The following SLC38A1 variants were observed in gnomAD, a reference collection of about 807,000 sequenced individuals.
SLC38A1 encodes sodium-coupled neutral amino acid symporter 1.
Under a neutral mutation model 60.3 loss-of-function variants are expected in SLC38A1, and 18 were observed. The observed-to-expected ratio is 0.30, with a 90% confidence interval of 0.21 to 0.44. SLC38A1 has a LOEUF of 0.44. SLC38A1 is among the 20% of genes least tolerant of loss of function. The pLI, the probability that SLC38A1 is intolerant of heterozygous loss-of-function variation, is 1.00. For synonymous variants in SLC38A1, 196 were observed against 212.1 expected, an observed-to-expected ratio of 0.92 and a Z score of 0.66; for missense variants, 448 against 587.2, an observed-to-expected ratio of 0.76 and a Z score of 2.45.
At chr12:46,222,091 A>G (rs1940681846) in intron 5 of SLC38A1, among the ~76,000 whole-genome samples, 1 of 152,228 alleles carries the variant, frequency 6.6e-6, no homozygotes, top group East Asian at 1.9e-4. Context: ...CAAGTGGCAC[A>G]GCATTGACAG....
intron 7 of SLC38A1, 104 bp downstream of exon 7, chr12:46,207,425 T>C: frequency 8.4e-7 from 1 of 1,191,846 alleles, no homozygotes; most frequent in Non-Finnish European, 1.2e-6. Flanking sequence ...TGTGCCATTT[T>C]AGCAATGAGG....
intron 5 of SLC38A1, among the ~76,000 whole-genome samples, chr12:46,209,615 G>T (rs1336561636): frequency 2.6e-5 from 4 of 152,010 alleles, no homozygotes; most frequent in Admixed American, 2.6e-4. Context: ...TGATGTCTAG[G>T]GTTCTTTTCA....
In SLC38A1 at chr12:46,239,911, A is replaced by G; in HGVS notation, c.-93-18T>C. The G allele has an allele frequency of 1.1e-6, 1 of 949,944 alleles. No individual in the cohort carries two copies. The highest frequency in any genetic ancestry group is 1.6e-6 in the Non-Finnish European group (1 of 639,850). The allele number at this position is 949,944 out of a possible 1,614,324, so 58.8% of individuals were successfully genotyped here. On this transcript the variant is annotated intron_variant, in intron 2 of 16. Coordinates refer to ENST00000398637, the MANE Select transcript of SLC38A1 (RefSeq NM_030674.4). ...TGACACCCCTAAAATATAGCAAAAT[A>G]AAAAAATAACTAAACATATGAAACG... is the stretch of plus-strand genomic sequence containing the variant.
chr12:46,191,327 G>A (rs1000282054), intron 16 of SLC38A1, among the ~76,000 whole-genome samples: 25 of 152,266 alleles, frequency 1.6e-4, no homozygotes, highest in Middle Eastern at 3.4e-3. Flanking sequence ...TGCTGTTTTC[G>A]TTACTGTAGC....
Position 46,185,831 on chromosome 12 carries a change from C to G in SLC38A1, c.*3139G>C, listed in dbSNP as rs562163508. ...CAGCAGTCATGGACTTATTCCTCCC[C>G]GTTTTTACTGGACACCATGTTTCAG... On this transcript the variant is annotated 3_prime_UTR_variant, in exon 17 of 17. Transcript: ENST00000398637. 2.6e-5 allele frequency: 4 copies of G among 152,166 alleles called. No homozygotes were observed. Among genetic ancestry groups the G allele is most frequent in the African/African-American group, 9.7e-5 (4 of 41,410 alleles). 9.4% of individuals were successfully genotyped at this position (152,166 alleles called of 1,614,324 possible).
chr12:46,198,000 C>A lies in SLC38A1; in HGVS notation c.1183G>T (p.Val395Leu). ...ACAACCAAGAGTATGCAGGTAACCA[C>A]GGTATGACGACATAAATTAAACTTT... ...KTKFNLCRHT[V>L]VTCILLVVIN... Residue 395 changes from valine (V) to leucine (L), a missense_variant, in exon 15 of 17, where the codon GTG becomes TTG. Val to Leu is a conservative substitution (Grantham distance 32). Around this residue, in one of 2 missense-constraint regions of SLC38A1, gnomAD observed 346 missense variants for 497.5 expected, o/e 0.70. Coordinates refer to ENST00000398637, the MANE Select transcript of SLC38A1 (RefSeq NM_030674.4). 1.9e-6 allele frequency: 3 copies of A among 1,613,832 alleles called. No homozygotes were observed. The highest frequency in any genetic ancestry group is 2.5e-6 in the Non-Finnish European group (3 of 1,179,850).
intron 5 of SLC38A1, among the ~76,000 whole-genome samples, chr12:46,217,115 C>T (rs1940448484): frequency 6.6e-6 from 1 of 152,126 alleles, no homozygotes; most frequent in Admixed American, 6.5e-5. Flanking sequence ...CATTATATAT[C>T]AGGCCCTTTC....
intron 5 of SLC38A1, among the ~76,000 whole-genome samples, chr12:46,211,724 T>C (rs1383737712): frequency 6.6e-6 from 1 of 152,170 alleles, no homozygotes; most frequent in Non-Finnish European, 1.5e-5. Context: ...CACAACAGAA[T>C]GAGGTGCTCC....
intron 1 of SLC38A1, among the ~76,000 whole-genome samples, chr12:46,257,473 C>A (rs1367765063): frequency 1.3e-5 from 2 of 152,272 alleles, no homozygotes; most frequent in East Asian, 3.9e-4. Context: ...CTAAGTTGGG[C>A]CTCTAACCCA....
At chr12:46,216,030 G>A (rs111744632) in intron 5 of SLC38A1, among the ~76,000 whole-genome samples, 2,489 of 152,176 alleles carry the variant, frequency 0.016, 32 homozygotes, top group Middle Eastern at 0.027. Context: ...GAAATGCATC[G>A]GTTCTGGGCT....
rs532857892 is a variant in SLC38A1 at position 46,207,536 on chromosome 12, G to A, written c.474C>T (p.Asn158=). The change falls in exon 7 of 17, where the codon AAC becomes AAT. Residue 158 remains asparagine, a synonymous_variant. Coordinates refer to ENST00000398637, the MANE Select transcript of SLC38A1 (RefSeq NM_030674.4). ...FVIFGATSLQ[N]TGAMLSYLFI... ...AAAGCATGTTCTTTTTACCTCCAGT[G>A]TTCTGTAGAGAGGTGGCTCCAAAGA... 2.0e-5 allele frequency: 32 copies of A among 1,613,540 alleles called. No individual in the cohort carries two copies. Among genetic ancestry groups the A allele is most frequent in the South Asian group, 7.7e-5 (7 of 91,066 alleles).
chr12:46,218,040 T>C (rs1940491563), intron 5 of SLC38A1, among the ~76,000 whole-genome samples: 2 of 152,222 alleles, frequency 1.3e-5, no homozygotes, highest in African/African-American at 4.8e-5. Context: ...CTAAAAGAAG[T>C]ATCCCAGTAA....
At chr12:46,253,219 G>C (rs534350585) in intron 1 of SLC38A1, among the ~76,000 whole-genome samples, 19 of 152,210 alleles carry the variant, frequency 1.2e-4, no homozygotes, top group African/African-American at 4.1e-4. Context: ...ACAAGAAAGG[G>C]GTCCTGATCT....
intron 13 of SLC38A1, among the ~76,000 whole-genome samples, chr12:46,199,820 C>T (rs1939571472): frequency 6.6e-6 from 1 of 152,100 alleles, no homozygotes; most frequent in African/African-American, 2.4e-5. Context: ...CTCACTGCAC[C>T]AGTCTCAAGG....
chr12:46,202,909 G>A (rs1017144686), intron 12 of SLC38A1, 101 bp downstream of exon 12: 23 of 756,980 alleles, frequency 3.0e-5, no homozygotes, highest in South Asian at 8.9e-5. Context: ...TGATGAATCC[G>A]CTGACGTTCA....
At chr12:46,191,771 T>A (rs1939155979) in intron 16 of SLC38A1, among the ~76,000 whole-genome samples, 1 of 152,208 alleles carries the variant, frequency 6.6e-6, no homozygotes, top group African/African-American at 2.4e-5. Context: ...TTTTTGCACA[T>A]TGATTTTGTA....
At chr12:46,237,494 A>G (rs1402385552) in intron 3 of SLC38A1, among the ~76,000 whole-genome samples, 1 of 151,804 alleles carries the variant, frequency 6.6e-6, no homozygotes, top group Non-Finnish European at 1.5e-5. Context: ...AGAAAAACAA[A>G]CAAACAAACA....
At chr12:46,195,538 C>T (rs1358759362) in intron 16 of SLC38A1, among the ~76,000 whole-genome samples, 1 of 152,180 alleles carries the variant, frequency 6.6e-6, no homozygotes, top group Non-Finnish European at 1.5e-5. Flanking sequence ...CTGCCATGCC[C>T]TGCCTCCAGA....
Position 46,244,753 on chromosome 12 carries a change from C to T in SLC38A1, c.-208-1439G>A, listed in dbSNP as rs1373778798. 2.6e-5 allele frequency among the ~76,000 whole-genome samples: 4 copies of T among 152,234 alleles called. No individual in the cohort carries two copies. The South Asian group carries it at 8.3e-4, about 31-fold the overall frequency. ...TTATTCCTAGAGGCCCAGCCTAGGG[C>T]CTGCACTGCCAGTAATTTTAACAAA... is the stretch of plus-strand genomic sequence containing the variant. On this transcript the variant is annotated intron_variant, in intron 1 of 16. Coordinates refer to ENST00000398637, the MANE Select transcript of SLC38A1 (RefSeq NM_030674.4).
Sources: gnomAD v4.1 joint callset for allele counts (sites outside exome capture counted in the v4.1 genomes callset) on GRCh38, gnomAD v4.1.1 for gene constraint, gnomAD v4.1.1 regional missense constraint, MANE v1.5 for transcripts, NCBI Gene and HGNC (gene_info 2026-07-23, HGNC 2026-07-21) for gene names.